MYO9A: variants seen among roughly 807,000 people sequenced by gnomAD.
The protein encoded by MYO9A is unconventional myosin-IXa.
Under a neutral mutation model 293.3 loss-of-function variants are expected in MYO9A, and 103 were observed. That is an observed-to-expected ratio of 0.35 (90% confidence interval 0.30 to 0.41). The LOEUF (loss-of-function observed/expected upper bound fraction) is 0.41, where lower values mean the gene tolerates loss of function less well. Ranked by LOEUF, MYO9A falls within the 10% of genes least tolerant of loss-of-function variation. MYO9A has a pLI of 1.00. For missense variants in MYO9A, 2,685 were observed against 3,033.0 expected (o/e 0.89, Z 2.69); for synonymous variants, 1,001 against 1,035.7 (o/e 0.97, Z 0.64).
chr15:71,975,509 G>A lies in MYO9A; in HGVS notation c.1844+2662C>T, dbSNP rs111889378. 3.5e-3 allele frequency among the ~76,000 whole-genome samples: 522 copies of A among 150,406 alleles called. 4 individuals carry two copies. The highest frequency in any genetic ancestry group is 0.012 in the African/African-American group (493 of 41,100). ...TTTGTTATAATGTTGGGGTGCTTTA[G>A]GTCTCAGGAGCAGGTCACAGGAGTG... On this transcript the variant is annotated intron_variant, in intron 12 of 41. Coordinates refer to ENST00000356056, the MANE Select transcript of MYO9A (RefSeq NM_006901.4).
At position 71,854,426 on chromosome 15, in the gene MYO9A, C is replaced by T; in HGVS notation, c.6297G>A (p.Lys2099=). 6.2e-7 allele frequency: 1 copy of T among 1,607,998 alleles called. No homozygotes were observed. Among genetic ancestry groups the T allele is most frequent in the South Asian group, 1.1e-5 (1 of 89,086 alleles). The change falls in exon 35 of 42, where the codon AAG becomes AAA. Residue 2099 remains lysine (K), a synonymous_variant. Coordinates refer to ENST00000356056, the MANE Select transcript of MYO9A (RefSeq NM_006901.4). ...HGLYTEGIYR[K]SGSTNKIKEL... is the part of the protein sequence containing the mutation. ...CCTTGATTTTATTAGTCGAACCAGA[C>T]TTTCGATAAATACCTTCTGTATACA... is the stretch of plus-strand genomic sequence containing the variant.
intron 9 of MYO9A, among the ~76,000 whole-genome samples, chr15:71,998,503 C>A (rs1001099775): frequency 3.0e-4 from 44 of 148,034 alleles, no homozygotes; most frequent in Non-Finnish European, 1.5e-5. Context: ...AGCAATGAAT[C>A]TTTATTTTAT....
At chr15:72,048,430 G>C (rs1265396349) in intron 1 of MYO9A, among the ~76,000 whole-genome samples, 1 of 151,944 alleles carries the variant, frequency 6.6e-6, no homozygotes, top group African/African-American at 2.4e-5. Flanking sequence ...AAATAAACTA[G>C]TGAGGAAAGG....
rs1566981300 is a variant in MYO9A, at chr15:72,046,624, T to G, written c.-61A>C. 1 of 1,461,572 alleles carries G rather than the reference T, an allele frequency of 6.8e-7. No homozygotes were observed. Among genetic ancestry groups the G allele is most frequent in the Non-Finnish European group, 9.0e-7 (1 of 1,105,892 alleles). 90.5% of individuals were successfully genotyped at this position (1,461,572 alleles called of 1,614,324 possible). ...TTCAAAGTCGTGCAAACCATTTTCT[T>G]GGTAAAATAACTGTAACATAAAAGA... is the stretch of plus-strand genomic sequence containing the variant. On this transcript the variant is annotated 5_prime_UTR_variant, in exon 2 of 42. Transcript: ENST00000356056.
chr15:72,022,699 C>A (rs2077539231), intron 4 of MYO9A, among the ~76,000 whole-genome samples: 1 of 151,948 alleles, frequency 6.6e-6, no homozygotes, highest in African/African-American at 2.4e-5. Context: ...AGGTGTGCAC[C>A]ACCAAATCTG....
chr15:71,851,981 G>A, intron 36 of MYO9A, 151 bp downstream of exon 36: 1 of 898,190 alleles, frequency 1.1e-6, no homozygotes, highest in Non-Finnish European at 1.5e-6. Context: ...ATAGGTGACA[G>A]TATACTAGCC....
chr15:72,035,899 T>G (rs2078032049), intron 2 of MYO9A, among the ~76,000 whole-genome samples: 1 of 152,176 alleles, frequency 6.6e-6, no homozygotes. Context: ...CAAGTGATTC[T>G]GAGTCATGAA....
intron 1 of MYO9A, among the ~76,000 whole-genome samples, chr15:72,080,902 T>C (rs965958876): frequency 2.6e-5 from 4 of 152,168 alleles, no homozygotes; most frequent in African/African-American, 4.8e-5. Context: ...CTTGTTCTTT[T>C]TGATGGCTAC....
chr15:71,986,675 T>A (rs541806424), intron 11 of MYO9A, among the ~76,000 whole-genome samples: 1 of 152,332 alleles, frequency 6.6e-6, no homozygotes, highest in East Asian at 1.9e-4. Context: ...TTAAAAAATT[T>A]TAATAGAAAG....
intron 34 of MYO9A, among the ~76,000 whole-genome samples, chr15:71,859,116 C>A (rs1471111629): frequency 6.6e-6 from 1 of 152,186 alleles, no homozygotes; most frequent in African/African-American, 2.4e-5. Flanking sequence ...CATGATTTGT[C>A]TACTGCAAAC....
chr15:71,953,410 C>A (rs1345692702), intron 14 of MYO9A, among the ~76,000 whole-genome samples: 1 of 152,170 alleles, frequency 6.6e-6, no homozygotes, highest in Non-Finnish European at 1.5e-5. Context: ...AACAATCACG[C>A]CTTTCAACAG....
upstream of MYO9A, chr15:72,118,482 C>G (rs923009944): frequency 2.2e-4 from 33 of 152,484 alleles, 2 homozygotes. Context: ...GCCTCCTCCC[C>G]ACTTCGGTTT....
At chr15:71,939,205 C>T (rs2058710311) in intron 15 of MYO9A, among the ~76,000 whole-genome samples, 1 of 151,962 alleles carries the variant, frequency 6.6e-6, no homozygotes, top group Non-Finnish European at 1.5e-5. Flanking sequence ...TAGAAGTGTA[C>T]AAGTTCATTT....
chr15:71,922,808 A>C (rs755711783), intron 18 of MYO9A, among the ~76,000 whole-genome samples: 3 of 152,194 alleles, frequency 2.0e-5, no homozygotes, highest in Non-Finnish European at 4.4e-5. Flanking sequence ...AATAATTGAT[A>C]ATTACTAATG....
chr15:71,969,344 C>T (rs1175972548), intron 12 of MYO9A, among the ~76,000 whole-genome samples: 1 of 152,202 alleles, frequency 6.6e-6, no homozygotes, highest in Non-Finnish European at 1.5e-5. Flanking sequence ...TGGAATATAA[C>T]TTACTATTTC....
intron 9 of MYO9A, among the ~76,000 whole-genome samples, chr15:71,994,980 T>C (rs1299366474): frequency 1.3e-5 from 2 of 152,116 alleles, no homozygotes; most frequent in African/African-American, 2.4e-5. Flanking sequence ...GATTCACCCG[T>C]CTTGGCCTCC....
chr15:72,101,087 A>C (rs1416612501), intron 1 of MYO9A, among the ~76,000 whole-genome samples: 66 of 86,926 alleles, frequency 7.6e-4, no homozygotes, highest in Admixed American at 1.4e-3. Context: ...GCCCCCCGCC[A>C]GGCCAGCCGC....
intron 34 of MYO9A, among the ~76,000 whole-genome samples, chr15:71,859,454 C>G (rs2056020989): frequency 6.6e-6 from 1 of 152,112 alleles, no homozygotes; most frequent in Admixed American, 6.5e-5. Context: ...AGTATGAAAC[C>G]TCAATGCAGT....
intron 30 of MYO9A, 92 bp downstream of exon 30, chr15:71,879,629 T>A: frequency 1.1e-6 from 1 of 906,022 alleles, no homozygotes; most frequent in Non-Finnish European, 1.7e-6. Context: ...AGAAATCTCT[T>A]ACGAAACATG....
Sources: gnomAD v4.1 joint callset for allele counts (sites outside exome capture counted in the v4.1 genomes callset) on GRCh38, gnomAD v4.1.1 for gene constraint, MANE v1.5 for transcripts, NCBI Gene and HGNC (gene_info 2026-07-23, HGNC 2026-07-21) for gene names.